The following CACNA1C variants were observed in gnomAD, a reference collection of about 807,000 sequenced individuals.
The protein encoded by CACNA1C is calcium voltage-gated channel subunit alpha1 C.
A neutral mutation model predicts 229.0 loss-of-function variants in CACNA1C; 30 were observed. The observed-to-expected ratio is 0.13, with a 90% CI of 0.10 to 0.18. The LOEUF is 0.18. Ranked by LOEUF, CACNA1C falls within the 10% of genes least tolerant of loss-of-function variation. The pLI is 1.00. For synonymous variants in CACNA1C, 1,114 were observed against 1,132.5 expected (o/e 0.98, Z 0.33); for missense variants, 1,658 against 2,845.0 (o/e 0.58, Z 9.49).
chr12:1,970,934 C>A (rs2154457654), exon 1 of CACNA1C: 1 of 412,212 alleles, frequency 2.4e-6, no homozygotes, highest in Non-Finnish European at 4.2e-6. Flanking sequence ...ACGGCCATGT[C>A]AACTTTTGTG....
At chr12:2,412,149 C>T (rs2098815038) in intron 3 of CACNA1C, among the ~76,000 whole-genome samples, 1 of 152,122 alleles carries the variant, frequency 6.6e-6, no homozygotes, top group East Asian at 1.9e-4. Context: ...AAAGCAGCTC[C>T]CCAGGCAGGG....
chr12:2,648,406 A>G (rs2094561475), intron 30 of CACNA1C, 69 bp from the exon 31 acceptor site: 2 of 1,438,158 alleles, frequency 1.4e-6, no homozygotes. Flanking sequence ...GTGTCAGCCA[A>G]GACCTAGAAT....
intron 3 of CACNA1C, among the ~76,000 whole-genome samples, chr12:2,204,310 T>C (rs1275501161): frequency 6.6e-6 from 1 of 152,170 alleles, no homozygotes; most frequent in African/African-American, 2.4e-5. Flanking sequence ...TTTGTTTTTT[T>C]CTTGTAAATT....
chr12:2,645,661 G>A (rs564031361), intron 30 of CACNA1C, among the ~76,000 whole-genome samples: 4 of 152,296 alleles, frequency 2.6e-5, no homozygotes, highest in African/African-American at 7.2e-5. Context: ...GGCCTTGGGG[G>A]CAGGGGCTGT....
chr12:2,640,886 A>T (rs1413316005), intron 30 of CACNA1C, among the ~76,000 whole-genome samples: 1 of 152,216 alleles, frequency 6.6e-6, no homozygotes, highest in Non-Finnish European at 1.5e-5. Flanking sequence ...TACTTGCTGC[A>T]CGTCCACCCC....
At chr12:2,491,295 G>A (rs2099728341) in intron 6 of CACNA1C, among the ~76,000 whole-genome samples, 1 of 152,180 alleles carries the variant, frequency 6.6e-6, no homozygotes, top group South Asian at 2.1e-4. Context: ...AAAATGGATT[G>A]TGGTTATGGC....
chr12:2,129,688 T>C (rs955271800), intron 3 of CACNA1C, among the ~76,000 whole-genome samples: 1 of 152,196 alleles, frequency 6.6e-6, no homozygotes, highest in African/African-American at 2.4e-5. Context: ...GGAATTTCAA[T>C]GATTGCACCT....
chr12:2,555,792 A>G (rs1422278451), intron 10 of CACNA1C, among the ~76,000 whole-genome samples: 1 of 152,114 alleles, frequency 6.6e-6, no homozygotes, highest in East Asian at 1.9e-4. Context: ...CACCTGTCAC[A>G]TCTTCTGGCT....
intron 3 of CACNA1C, among the ~76,000 whole-genome samples, chr12:2,177,599 T>G (rs905386195): frequency 1.2e-5 from 1 of 85,544 alleles, no homozygotes; most frequent in Non-Finnish European, 2.0e-5. Context: ...CTTCCTTCCT[T>G]CCTTCCTTCC....
At chr12:2,516,661 C>T (rs143115909) in intron 9 of CACNA1C, among the ~76,000 whole-genome samples, 1,890 of 152,160 alleles carry the variant, frequency 0.012, 48 homozygotes, top group African/African-American at 0.044. Flanking sequence ...TTGTCCTAAA[C>T]GATGGCAAGA....
rs554874300 is a variant in CACNA1C, at chr12:2,653,583, C to G, written c.4075-252C>G. Among the ~76,000 whole-genome samples the G allele has an allele frequency of 6.6e-6, 1 of 152,262 alleles. No individual in the cohort carries two copies. The highest frequency in any genetic ancestry group is 2.1e-4 in the South Asian group (1 of 4,826). ...GTTTTGCTCGTTCTTGATTGTTTTG[C>G]CCAGGTAGTGTCGCACTATATCGTT... On this transcript the variant is annotated intron_variant, in intron 32 of 46. Transcript: ENST00000399655. The surrounding 1 kb of genome is among the most constrained non-coding windows in gnomAD (Gnocchi z 4.7).
chr12:2,658,565 C>T lies in CACNA1C; in HGVS notation c.4232+3327C>T, dbSNP rs968217989. Among the ~76,000 whole-genome samples, 5 of 151,878 alleles carry T rather than the reference C, an allele frequency of 3.3e-5. No individual in the cohort carries two copies. In the East Asian group the frequency reaches 5.8e-4, roughly 18 times the overall value. ...TAATGAGAATAAATGACTGTGTCAC[C>T]GGTTTATGTCTTTACTGCACTATAC... is the stretch of plus-strand genomic sequence containing the variant. On this transcript the variant is annotated intron_variant, in intron 34 of 46. Transcript: ENST00000399655.
intron 1 of CACNA1C, among the ~76,000 whole-genome samples, chr12:2,021,704 TCA>T (rs2046483594): frequency 6.6e-6 from 1 of 152,008 alleles, no homozygotes; most frequent in Admixed American, 6.6e-5. Context: ...ATCTTTTCTC[TCA>T]CAGTTCTGGA....
At position 2,403,651 on chromosome 12, in the gene CACNA1C, C is replaced by T. The variant is rs986714590; in HGVS notation, c.478-45325C>T. On this transcript the variant is annotated intron_variant, in intron 3 of 46. Transcript: ENST00000399655. The surrounding 1 kb of genome is among the most constrained non-coding windows in gnomAD (Gnocchi z 4.1). The stretch of plus-strand genomic sequence containing the variant: ...TTGACACTATATGATTAGGAAAGTA[C>T]AGTAAATAACAGATGAGAAGATGAC... Among the ~76,000 whole-genome samples, 11 of 152,068 alleles carry T rather than the reference C, an allele frequency of 7.2e-5. No individual in the cohort carries two copies. Among genetic ancestry groups the T allele is most frequent in the Non-Finnish European group, 4.4e-5 (3 of 68,024 alleles).
At chr12:2,222,092 AT>A (rs1443546414) in intron 3 of CACNA1C, 1 of 152,234 alleles carries the variant, frequency 6.6e-6, no homozygotes, top group Non-Finnish European at 1.5e-5. Flanking sequence ...ATTACAAATT[AT>A]TTTATTTCAT....
At chr12:2,474,523 G>A (rs528981845) in intron 5 of CACNA1C, among the ~76,000 whole-genome samples, 1 of 152,310 alleles carries the variant, frequency 6.6e-6, no homozygotes, top group South Asian at 2.1e-4. Flanking sequence ...GGGAGGCCGA[G>A]GCAGGCAGAT....
At chr12:2,578,842 T>C (rs368959107) in intron 13 of CACNA1C, among the ~76,000 whole-genome samples, 1 of 152,096 alleles carries the variant, frequency 6.6e-6, no homozygotes, top group East Asian at 1.9e-4. Flanking sequence ...AGGGTGCTCC[T>C]CCAGACACAG....
chr12:2,438,218 G>A (rs2099165730), intron 3 of CACNA1C, among the ~76,000 whole-genome samples: 3 of 150,920 alleles, frequency 2.0e-5, no homozygotes, highest in South Asian at 2.1e-4. Flanking sequence ...GGTGGTGGTG[G>A]TGGTGGTTGT....
Position 2,229,338 on chromosome 12 carries a change from T to C in CACNA1C, c.477+108908T>C, listed in dbSNP as rs139626007. Among the ~76,000 whole-genome samples, 304 of 152,356 alleles carry C rather than the reference T, an allele frequency of 2.0e-3. 1 individual carries two copies. Among genetic ancestry groups the C allele is most frequent in the African/African-American group, 7.1e-3 (294 of 41,584 alleles). On this transcript the variant is annotated intron_variant, in intron 3 of 46. Coordinates refer to ENST00000399655, the MANE Select transcript of CACNA1C (RefSeq NM_000719.7). The stretch of plus-strand genomic sequence containing the variant: ...TGCTGGTGCTCCCTCAGTGGCAGCC[T>C]TGATATGCACACCTAGGAATATATA...
Sources: gnomAD v4.1 joint callset for allele counts (sites outside exome capture counted in the v4.1 genomes callset) on GRCh38, gnomAD v4.1.1 for gene constraint, Gnocchi (gnomAD v3.1) non-coding constraint, MANE v1.5 for transcripts, NCBI Gene and HGNC (gene_info 2026-07-23, HGNC 2026-07-21) for gene names.